AAMDC: variants seen among roughly 807,000 people sequenced by gnomAD.
AAMDC encodes mth938 domain-containing protein.
AAMDC carries 16 observed loss-of-function variants against 15.5 expected under a neutral mutation model. The observed-to-expected ratio is 1.03, with a 90% CI of 0.70 to 1.57. The LOEUF (loss-of-function observed/expected upper bound fraction) is 1.57, where lower values mean the gene tolerates loss of function less well. Among genes scored for constraint, AAMDC ranks in the 40% most tolerant of loss-of-function variants. AAMDC has a pLI of 0.00. For missense variants in AAMDC, 141 were observed against 144.9 expected, an observed-to-expected ratio of 0.97 and a Z score of 0.14; for synonymous variants, 51 against 51.6, an observed-to-expected ratio of 0.99 and a Z score of 0.05.
chr11:77,840,304 G>A lies in AAMDC; in HGVS notation c.-18-2175G>A, dbSNP rs377453076. On this transcript the variant is annotated intron_variant, in intron 1 of 3. Transcript: ENST00000393427. ...AGCACTTTGGGAGGCCAAGGCAGGT[G>A]GATCACCTGAGGTCAGGAGACCAAG... is the stretch of plus-strand genomic sequence containing the variant. 1.9e-3 allele frequency among the ~76,000 whole-genome samples: 288 copies of A among 152,174 alleles called. 4 individuals carry two copies. The highest frequency in any genetic ancestry group is 6.7e-3 in the African/African-American group (280 of 41,532).
intron 1 of AAMDC, among the ~76,000 whole-genome samples, chr11:77,833,225 GTTTATT>G (rs1949536147): frequency 1.3e-5 from 2 of 151,456 alleles, no homozygotes; most frequent in South Asian, 4.2e-4. Context: ...TGGCCAGGCT[GTTTATT>G]TTTATTATTA....
At chr11:77,891,725 T>C (rs1338640904) in intron 5 of AAMDC, 3 of 1,611,878 alleles carry the variant, frequency 1.9e-6, no homozygotes, top group South Asian at 1.1e-5. Flanking sequence ...TGTCGCAGCA[T>C]GGTCTGTAGA....
At chr11:77,870,486 A>G in intron 3 of AAMDC, among the ~76,000 whole-genome samples, 1 of 151,054 alleles carries the variant, frequency 6.6e-6, no homozygotes, top group African/African-American at 2.4e-5. Flanking sequence ...ACAGGCGCCC[A>G]CCACCACGCC....
intron 1 of AAMDC, among the ~76,000 whole-genome samples, chr11:77,831,694 C>CT (rs532912432): frequency 0.1 from 13,935 of 135,948 alleles, 889 homozygotes; most frequent in Admixed American, 0.18. Context: ...ACTTAGGTAT[C>CT]TTTTTTTTTT....
intron 2 of AAMDC, among the ~76,000 whole-genome samples, chr11:77,865,568 AAC>A (rs1951073815): frequency 2.6e-5 from 4 of 152,250 alleles, no homozygotes; most frequent in Non-Finnish European, 5.9e-5. Flanking sequence ...GACCACATTT[AAC>A]TGCAAGAAGT....
chr11:77,840,594 A>G (rs1949888395), intron 1 of AAMDC, among the ~76,000 whole-genome samples: 1 of 152,248 alleles, frequency 6.6e-6, no homozygotes, highest in African/African-American at 2.4e-5. Context: ...AACATAAAAG[A>G]AACTGGGTAT....
Position 77,842,638 on chromosome 11 carries a change from T to C in AAMDC, c.132+10T>C, listed in dbSNP as rs373650196. 3 of 1,613,206 alleles carry C rather than the reference T, an allele frequency of 1.9e-6. No homozygotes were observed. The highest frequency in any genetic ancestry group is 2.7e-5 in the African/African-American group (2 of 74,890). ...AGAAACAGGAACTGAGGTAAGATAT[T>C]AGTCTTTGGTTGATACTACATGAGG... On this transcript the variant is annotated intron_variant, in intron 2 of 3. Coordinates refer to ENST00000393427, the MANE Select transcript of AAMDC (RefSeq NM_024684.4).
chr11:77,878,823 T>A (rs1951681200), intron 5 of AAMDC: 1 of 783,654 alleles, frequency 1.3e-6, no homozygotes, highest in Non-Finnish European at 2.3e-6. Context: ...TGATACCAGA[T>A]GAGACTGTAA....
chr11:77,900,112 T>TTA (rs398115525), intron 5 of AAMDC, among the ~76,000 whole-genome samples: 1 of 149,896 alleles, frequency 6.7e-6, no homozygotes, highest in Non-Finnish European at 1.5e-5. Context: ...TTTTTTTTTT[T>TTA]ATATAAAGAT....
At chr11:77,885,524 A>C (rs1250640301) in intron 5 of AAMDC, among the ~76,000 whole-genome samples, 2 of 152,040 alleles carry the variant, frequency 1.3e-5, no homozygotes, top group East Asian at 3.9e-4. Flanking sequence ...TTTTTTTAGA[A>C]AATGAAGGGG....
At chr11:77,883,078 T>TAATAAC (rs762267859) in intron 5 of AAMDC, among the ~76,000 whole-genome samples, 3 of 150,812 alleles carry the variant, frequency 2.0e-5, no homozygotes, top group African/African-American at 7.3e-5. Flanking sequence ...CGTCTCAAAA[T>TAATAAC]AATAATAATA....
At chr11:77,862,802 C>T (rs899591790) in intron 2 of AAMDC, among the ~76,000 whole-genome samples, 1 of 152,098 alleles carries the variant, frequency 6.6e-6, no homozygotes, top group Non-Finnish European at 1.5e-5. Flanking sequence ...CTCAGGAGGC[C>T]AGGTTTCTCC....
intron 2 of AAMDC, among the ~76,000 whole-genome samples, chr11:77,857,847 C>T (rs946373593): frequency 6.6e-6 from 1 of 152,030 alleles, no homozygotes; most frequent in African/African-American, 2.4e-5. Context: ...CAGGTGCGCA[C>T]CACCATGCCC....
At chr11:77,903,497 C>A (rs1166429286), downstream of AAMDC, 4 of 1,609,718 alleles carry the variant, frequency 2.5e-6, no homozygotes, top group Admixed American at 1.7e-5. Flanking sequence ...CAGACAATTA[C>A]TGGACAGAGA....
intron 2 of AAMDC, among the ~76,000 whole-genome samples, chr11:77,867,343 A>T (rs1007369170): frequency 3.9e-5 from 6 of 152,042 alleles, no homozygotes; most frequent in Non-Finnish European, 7.4e-5. Flanking sequence ...ATACTTCGAG[A>T]CCCAGTTAAA....
At chr11:77,841,281 G>A in intron 1 of AAMDC, 1 of 701,162 alleles carries the variant, frequency 1.4e-6, no homozygotes, top group Non-Finnish European at 2.6e-6. Context: ...AGTTTGGAAG[G>A]GTGCAGACAT....
At chr11:77,879,062 G>A (rs770220271) in intron 5 of AAMDC, 5 of 1,614,110 alleles carry the variant, frequency 3.1e-6, no homozygotes, top group East Asian at 2.2e-5. Context: ...TCCATCCAGG[G>A]GCATTTTGGA....
chr11:77,857,002 G>C (rs905120267), intron 2 of AAMDC, among the ~76,000 whole-genome samples: 9 of 152,242 alleles, frequency 5.9e-5, no homozygotes, highest in African/African-American at 2.2e-4. Context: ...AAATATTCTA[G>C]CATCCAAAAA....
intron 2 of AAMDC, among the ~76,000 whole-genome samples, chr11:77,862,058 T>C (rs905687105): frequency 2.6e-5 from 4 of 152,192 alleles, no homozygotes; most frequent in African/African-American, 4.8e-5. Context: ...GTGGACATAA[T>C]TGAATAATTC....
Sources: allele counts gnomAD v4.1 joint callset (sites outside exome capture counted in the v4.1 genomes callset), GRCh38; gene constraint gnomAD v4.1.1; transcripts MANE v1.5; gene names NCBI Gene and HGNC (gene_info 2026-07-23, HGNC 2026-07-21).